Variants in TNRC6A observed in about 807,000 individuals in gnomAD.
The protein encoded by TNRC6A is trinucleotide repeat-containing gene 6A protein.
In TNRC6A, 44 loss-of-function variants were observed where a neutral mutation model predicts 221.2. The observed-to-expected ratio is 0.20, with a 90% CI of 0.16 to 0.26. The LOEUF (loss-of-function observed/expected upper bound fraction) is 0.26, where lower values mean the gene tolerates loss of function less well. Among genes scored for constraint, TNRC6A ranks in the 10% least tolerant of loss-of-function variants. The pLI is 1.00. For missense variants in TNRC6A, 2,199 were observed against 2,404.4 expected (o/e 0.91, Z 1.79); for synonymous variants, 847 against 838.5 (o/e 1.01, Z -0.18).
chr16:24,722,411 CTATTTATT>C (rs869042971), intron 2 of TNRC6A, among the ~76,000 whole-genome samples: 1 of 102,470 alleles, frequency 9.8e-6, no homozygotes, highest in Admixed American at 1.2e-4. Flanking sequence ...AAGACCCCAA[CTATTTATT>C]TATTTATTTA....
intron 3 of TNRC6A, among the ~76,000 whole-genome samples, chr16:24,751,138 T>C (rs1307061683): frequency 6.6e-6 from 1 of 152,184 alleles, no homozygotes; most frequent in Non-Finnish European, 1.5e-5. Flanking sequence ...GTTGAGAGTA[T>C]TTGAAATCTC....
chr16:24,705,026 C>T (rs1489239646), intron 2 of TNRC6A, among the ~76,000 whole-genome samples: 1 of 151,996 alleles, frequency 6.6e-6, no homozygotes, highest in Non-Finnish European at 1.5e-5. Context: ...AAAAGCTTAG[C>T]GCAAGTGGAG....
In TNRC6A at chr16:24,734,428, C is replaced by T. The variant is rs1336091566; in HGVS notation, c.53+4128C>T. 2.0e-5 allele frequency among the ~76,000 whole-genome samples: 3 copies of T among 152,010 alleles called. No individual in the cohort carries two copies. In the East Asian group the frequency reaches 5.8e-4, roughly 29 times the overall value. The stretch of plus-strand genomic sequence containing the variant: ...AAAATCTACCAGTACTGGTCTAGAC[C>T]AGTAGAACTCAGCTGGTCTAGTCTG... On this transcript the variant is annotated intron_variant, in intron 2 of 24. Coordinates refer to ENST00000395799, the MANE Select transcript of TNRC6A (RefSeq NM_014494.4).
intron 11 of TNRC6A, among the ~76,000 whole-genome samples, chr16:24,801,139 A>C (rs531071075): frequency 2.0e-5 from 3 of 152,226 alleles, no homozygotes; most frequent in Non-Finnish European, 1.5e-5. Flanking sequence ...TGTGAAGCTC[A>C]GAATAGATGG....
chr16:24,621,691 G>C (rs1283158274), intron 1 of TNRC6A, among the ~76,000 whole-genome samples: 1 of 151,980 alleles, frequency 6.6e-6, no homozygotes, highest in African/African-American at 2.4e-5. Flanking sequence ...GTATATTATT[G>C]TTTATATGTG....
At chr16:24,625,441 G>A (rs2141629098) in intron 1 of TNRC6A, among the ~76,000 whole-genome samples, 1 of 152,206 alleles carries the variant, frequency 6.6e-6, no homozygotes, top group South Asian at 2.1e-4. Context: ...GTGAAACCCC[G>A]TCTCTACTAA....
At chr16:24,743,955 A>AT (rs1162482056) in intron 2 of TNRC6A, among the ~76,000 whole-genome samples, 1 of 152,148 alleles carries the variant, frequency 6.6e-6, no homozygotes, top group Non-Finnish European at 1.5e-5. Flanking sequence ...AACGAAATCT[A>AT]TTTTTTCTTG....
In TNRC6A at chr16:24,789,706, G is replaced by A. The variant is rs1279241733; in HGVS notation, c.1064G>A (p.Gly355Glu). Residue 355 changes from glycine (G) to glutamate (E), a missense_variant, in exon 6 of 25, where the codon GGG (glycine) becomes GAG (glutamate). This residue lies in a region of TNRC6A where 1,405 missense variants were observed against 1,400.2 expected (regional missense o/e 1.00). Coordinates refer to ENST00000395799, the MANE Select transcript of TNRC6A (RefSeq NM_014494.4). Reference protein sequence around the residue: ...WGTVSSSSNGGLNPSTLNSAS... With the variant: ...WGTVSSSSNGELNPSTLNSAS... Reference sequence around the variant, plus strand: ...ACTGTAAGTTCTTCATCAAATGGAGGGTTAAATCCAAGCACTTTGAATTCA... The same window carrying A: ...ACTGTAAGTTCTTCATCAAATGGAGAGTTAAATCCAAGCACTTTGAATTCA... 1.9e-6 allele frequency: 3 copies of A among 1,614,214 alleles called. No homozygotes were observed. The highest frequency in any genetic ancestry group is 4.5e-5 in the East Asian group (2 of 44,882).
At chr16:24,700,965 G>T (rs1410121610) in intron 2 of TNRC6A, among the ~76,000 whole-genome samples, 1 of 152,190 alleles carries the variant, frequency 6.6e-6, no homozygotes, top group Non-Finnish European at 1.5e-5. Flanking sequence ...CAATAAGGCT[G>T]CCCAATGTGC....
Position 24,823,806 on chromosome 16 carries a change from A to C in TNRC6A, c.5888A>C (p.Ter1963SerextTer19). 6.9e-7 allele frequency: 1 copy of C among 1,455,476 alleles called. No individual in the cohort carries two copies. The highest frequency in any genetic ancestry group is 9.1e-7 in the Non-Finnish European group (1 of 1,102,524). The allele number at this position is 1,455,476 out of a possible 1,614,324, so 90.2% of individuals were successfully genotyped here. ...CTGGGTGGGGGTGGAGAGTCCATGT[A>C]ACAGTGTAGATGCAGACTCACCGAC... The part of the protein sequence containing the change: ...DHLGGGGESM[*>S] The change falls in exon 25 of 25, where the codon TAA (stop) becomes TCA (serine). Residue 1963 changes from the stop codon to serine, a stop_lost. Coordinates refer to ENST00000395799, the MANE Select transcript of TNRC6A (RefSeq NM_014494.4). The surrounding 1 kb of genome is among the most constrained non-coding windows in gnomAD (Gnocchi z 4.3).
At chr16:24,815,652 G>A (rs576750392) in intron 19 of TNRC6A, 56 of 301,668 alleles carry the variant, frequency 1.9e-4, no homozygotes, top group East Asian at 1.4e-3. Context: ...TCAGGAGATC[G>A]AGACCATGCT....
intron 5 of TNRC6A, among the ~76,000 whole-genome samples, chr16:24,787,408 T>C (rs2057997336): frequency 6.6e-6 from 1 of 152,182 alleles, no homozygotes; most frequent in Non-Finnish European, 1.5e-5. Flanking sequence ...CAAGTGAAGG[T>C]AATACCTATC....
At chr16:24,819,209 C>G (rs1434171896) in intron 21 of TNRC6A, among the ~76,000 whole-genome samples, 2 of 152,102 alleles carry the variant, frequency 1.3e-5, no homozygotes, top group African/African-American at 4.8e-5. Flanking sequence ...CTGGCCATAC[C>G]CTGAGTAGCA....
intron 2 of TNRC6A, among the ~76,000 whole-genome samples, chr16:24,716,222 C>G (rs1365957747): frequency 6.6e-6 from 1 of 152,170 alleles, no homozygotes; most frequent in Non-Finnish European, 1.5e-5. Flanking sequence ...TCTCTTGGGG[C>G]TCACTGTCCT....
intron 4 of TNRC6A, among the ~76,000 whole-genome samples, chr16:24,773,611 C>T (rs1320615355): frequency 5.3e-5 from 8 of 152,172 alleles, no homozygotes; most frequent in African/African-American, 1.9e-4. Context: ...AAGATGTTAC[C>T]TGTTTTCAAG....
chr16:24,800,323 G>A (rs2058306532), intron 11 of TNRC6A, among the ~76,000 whole-genome samples: 1 of 152,168 alleles, frequency 6.6e-6, no homozygotes, highest in African/African-American at 2.4e-5. Context: ...ACCTTTTTAG[G>A]ATGTTGTCTC....
chr16:24,665,297 A>G (rs2055135432), intron 2 of TNRC6A, among the ~76,000 whole-genome samples: 1 of 151,770 alleles, frequency 6.6e-6, no homozygotes, highest in Non-Finnish European at 1.5e-5. Flanking sequence ...CTGGTCTTAA[A>G]CTCCTGACCT....
chr16:24,619,446 T>C (rs993065684), intron 1 of TNRC6A, among the ~76,000 whole-genome samples: 3 of 152,270 alleles, frequency 2.0e-5, no homozygotes, highest in South Asian at 2.1e-4. Flanking sequence ...ATAAGTAGAG[T>C]CAACTAATGA....
chr16:24,727,862 C>T (rs184184773), upstream of TNRC6A, among the ~76,000 whole-genome samples: 351 of 150,798 alleles, frequency 2.3e-3, no homozygotes, highest in African/African-American at 8.2e-3. Context: ...GGGATGATAG[C>T]AGGAAAAGGA....
Sources: gnomAD v4.1 joint callset for allele counts (sites outside exome capture counted in the v4.1 genomes callset) on GRCh38, gnomAD v4.1.1 for gene constraint, gnomAD v4.1.1 regional missense constraint, Gnocchi (gnomAD v3.1) non-coding constraint, MANE v1.5 for transcripts, NCBI Gene and HGNC (gene_info 2026-07-23, HGNC 2026-07-21) for gene names.